Variants in SESN1 observed in about 807,000 individuals in gnomAD.
SESN1 encodes sestrin-1.
A neutral mutation model predicts 59.3 loss-of-function variants in SESN1; 30 were observed. The ratio of observed to expected loss-of-function variants is 0.51; its 90% CI spans 0.38 to 0.69. The LOEUF is 0.69. SESN1 is among the 30% of genes least tolerant of loss of function. The probability of loss-of-function intolerance (pLI) is 0.00; values close to 1 mark genes in which losing one functional copy is unlikely to be tolerated. For synonymous variants in SESN1, 197 were observed against 219.9 expected, an observed-to-expected ratio of 0.90 and a Z score of 0.92; for missense variants, 566 against 673.0, an observed-to-expected ratio of 0.84 and a Z score of 1.76.
intron 1 of SESN1, among the ~76,000 whole-genome samples, chr6:109,087,654 T>C (rs537477831): frequency 5.3e-5 from 8 of 152,324 alleles, no homozygotes; most frequent in East Asian, 3.9e-4. Context: ...CAGTGAATGT[T>C]TGACATGCAC....
intron 1 of SESN1, among the ~76,000 whole-genome samples, chr6:109,046,592 AGT>A (rs1486362998): frequency 1.4e-5 from 2 of 142,072 alleles, no homozygotes; most frequent in Admixed American, 1.4e-4. Flanking sequence ...CAGTCTGGAA[AGT>A]GAGGAGCGTC....
At chr6:109,064,998 G>C (rs558692737) in intron 1 of SESN1, among the ~76,000 whole-genome samples, 2 of 152,136 alleles carry the variant, frequency 1.3e-5, no homozygotes, top group Admixed American at 1.3e-4. Context: ...GTGTCCTCTT[G>C]TTTTCCTCAT....
At chr6:108,998,285 A>G (rs1239112696) in intron 5 of SESN1, among the ~76,000 whole-genome samples, 1 of 152,194 alleles carries the variant, frequency 6.6e-6, no homozygotes, top group Non-Finnish European at 1.5e-5. Context: ...AAACTCCTAC[A>G]GGGTCTTAGA....
At chr6:109,028,170 T>G (rs1351552052) in intron 1 of SESN1, among the ~76,000 whole-genome samples, 2 of 152,230 alleles carry the variant, frequency 1.3e-5, no homozygotes, top group African/African-American at 4.8e-5. Context: ...TGTTTTCTTC[T>G]GAAAGTTTTA....
At chr6:109,083,051 G>T (rs1781152275) in intron 1 of SESN1, among the ~76,000 whole-genome samples, 1 of 152,140 alleles carries the variant, frequency 6.6e-6, no homozygotes, top group Non-Finnish European at 1.5e-5. Flanking sequence ...AGTAAACAAA[G>T]GTTCAAAGAG....
chr6:109,074,085 T>C (rs1780985445), intron 1 of SESN1, among the ~76,000 whole-genome samples: 1 of 152,218 alleles, frequency 6.6e-6, no homozygotes, highest in African/African-American at 2.4e-5. Context: ...ATAACACAAA[T>C]ACCATTGTGT....
At chr6:109,067,581 C>T (rs969912478) in intron 1 of SESN1, among the ~76,000 whole-genome samples, 15 of 152,174 alleles carry the variant, frequency 9.9e-5, no homozygotes, top group African/African-American at 2.9e-4. Context: ...TCCCTCTCTC[C>T]GGTCTTTCCT....
chr6:109,029,209 C>A (rs928758981), intron 1 of SESN1, among the ~76,000 whole-genome samples: 3 of 152,144 alleles, frequency 2.0e-5, no homozygotes, highest in Non-Finnish European at 4.4e-5. Flanking sequence ...CCTACAATTT[C>A]TAAGCATAAT....
chr6:109,082,358 AC>A (rs1781135436), intron 1 of SESN1, among the ~76,000 whole-genome samples: 1 of 152,172 alleles, frequency 6.6e-6, no homozygotes, highest in Non-Finnish European at 1.5e-5. Context: ...CTGAGTGCTT[AC>A]TGGGTTCCAG....
At chr6:109,053,507 G>C (rs900568507) in intron 1 of SESN1, among the ~76,000 whole-genome samples, 2 of 152,130 alleles carry the variant, frequency 1.3e-5, no homozygotes, top group Non-Finnish European at 2.9e-5. Context: ...CCCAAGACAG[G>C]AGAGGCTGCT....
intron 8 of SESN1, among the ~76,000 whole-genome samples, chr6:108,989,522 G>T (rs1273865707): frequency 7.6e-6 from 1 of 131,988 alleles, no homozygotes; most frequent in Non-Finnish European, 1.6e-5. Flanking sequence ...TATATAGAGA[G>T]ATATCTATAG....
chr6:108,988,929 A>C (rs1369921198), intron 8 of SESN1, among the ~76,000 whole-genome samples: 1 of 152,204 alleles, frequency 6.6e-6, no homozygotes, highest in Admixed American at 6.5e-5. Flanking sequence ...CATTCCTGAA[A>C]GCTGACAATA....
intron 1 of SESN1, chr6:109,009,611 A>T: frequency 9.8e-7 from 1 of 1,016,404 alleles, no homozygotes; most frequent in Non-Finnish European, 1.2e-6. Flanking sequence ...CGCGCCCGTC[A>T]TTTCACCGCC....
intron 1 of SESN1, among the ~76,000 whole-genome samples, chr6:109,018,799 TATA>T (rs1481709098): frequency 6.6e-6 from 1 of 152,186 alleles, no homozygotes; most frequent in African/African-American, 2.4e-5. Flanking sequence ...TATCTAAGTC[TATA>T]ATTTCAGGGA....
chr6:109,066,026 C>T (rs1780819242), intron 1 of SESN1, among the ~76,000 whole-genome samples: 1 of 152,068 alleles, frequency 6.6e-6, no homozygotes, highest in Non-Finnish European at 1.5e-5. Flanking sequence ...CACTACTATC[C>T]ATACTCAGTG....
At chr6:109,030,858 T>C (rs1780172073) in intron 1 of SESN1, among the ~76,000 whole-genome samples, 1 of 152,214 alleles carries the variant, frequency 6.6e-6, no homozygotes, top group Admixed American at 6.5e-5. Context: ...GTCATACAAC[T>C]GACAAGTGGC....
chr6:109,018,799 T>C (rs1779965203), intron 1 of SESN1, among the ~76,000 whole-genome samples: 1 of 152,186 alleles, frequency 6.6e-6, no homozygotes, highest in African/African-American at 2.4e-5. Context: ...TATCTAAGTC[T>C]ATAATTTCAG....
At chr6:109,072,833 G>T (rs1780960812) in intron 1 of SESN1, among the ~76,000 whole-genome samples, 1 of 152,012 alleles carries the variant, frequency 6.6e-6, no homozygotes, top group African/African-American at 2.4e-5. Context: ...TGACTTGAAA[G>T]AGAGCTAAGG....
chr6:109,046,027 T>C lies in SESN1; in HGVS notation c.280-43684A>G, dbSNP rs189302488. Among the ~76,000 whole-genome samples, 393 of 152,338 alleles carry C rather than the reference T, an allele frequency of 2.6e-3. 2 individuals are homozygous for C. The highest frequency in any genetic ancestry group is 0.01 in the South Asian group (49 of 4,832). On this transcript the variant is annotated intron_variant, in intron 1 of 9. Transcript: ENST00000436639. ...CCTCAACTTTCAATAATTCATATAC[T>C]TTGGAACATAAGTAAAAAATATTAT...
Sources: allele counts gnomAD v4.1 joint callset (sites outside exome capture counted in the v4.1 genomes callset), GRCh38; gene constraint gnomAD v4.1.1; transcripts MANE v1.5; gene names NCBI Gene and HGNC (gene_info 2026-07-23, HGNC 2026-07-21).